Variants in CENPU observed in about 807,000 individuals in gnomAD.
CENPU encodes the protein KSHV latent nuclear antigen interacting protein 1.
A neutral mutation model predicts 56.7 loss-of-function variants in CENPU; 46 were observed. The ratio of observed to expected loss-of-function variants is 0.81; its 90% CI spans 0.64 to 1.04. The LOEUF (loss-of-function observed/expected upper bound fraction) is 1.04. Among genes scored for constraint, CENPU ranks in the 50% least tolerant of loss-of-function variants. CENPU has a pLI of 0.00. For missense variants in CENPU, 510 were observed against 490.1 expected (o/e 1.04, Z -0.38); for synonymous variants, 166 against 163.0 (o/e 1.02, Z -0.14).
intron 6 of CENPU, 145 bp downstream of exon 6, chr4:184,716,252 T>A: frequency 1.5e-6 from 1 of 660,750 alleles, no homozygotes; most frequent in Non-Finnish European, 2.6e-6. Context: ...CTAGATTTTC[T>A]AAAACAAACA....
chr4:184,697,094 C>G (rs749999633), intron 12 of CENPU, among the ~76,000 whole-genome samples: 3 of 152,012 alleles, frequency 2.0e-5, no homozygotes, highest in African/African-American at 7.3e-5. Flanking sequence ...TCGCCCAAGG[C>G]TGGTCTTGAA....
chr4:184,697,840 C>A (rs1422019728), intron 11 of CENPU, 37 bp from the exon 12 acceptor site: 1 of 1,543,088 alleles, frequency 6.5e-7, no homozygotes, highest in East Asian at 2.3e-5. Context: ...TAAAATGTAC[C>A]AGCCTATCGT....
At chr4:184,701,383 C>T (rs1477419506) in intron 10 of CENPU, among the ~76,000 whole-genome samples, 1 of 152,168 alleles carries the variant, frequency 6.6e-6, no homozygotes, top group Non-Finnish European at 1.5e-5. Context: ...GAGATTAAAA[C>T]TGAAAAACAA....
chr4:184,722,610 T>A (rs1761317467), intron 4 of CENPU, among the ~76,000 whole-genome samples: 1 of 151,308 alleles, frequency 6.6e-6, no homozygotes, highest in Non-Finnish European at 1.5e-5. Flanking sequence ...TCGCTGCATC[T>A]AAATAAAACT....
intron 4 of CENPU, among the ~76,000 whole-genome samples, chr4:184,722,567 C>CA (rs1761315918): frequency 6.6e-6 from 1 of 151,444 alleles, no homozygotes; most frequent in Admixed American, 6.6e-5. Flanking sequence ...TCCTATGACT[C>CA]AAAATCCCTA....
chr4:184,731,257 C>T (rs951000748), intron 1 of CENPU, among the ~76,000 whole-genome samples: 1 of 152,146 alleles, frequency 6.6e-6, no homozygotes, highest in Non-Finnish European at 1.5e-5. Context: ...GGGAGGTAGG[C>T]TAACGCTAAG....
chr4:184,720,227 A>C (rs905321642), intron 4 of CENPU, among the ~76,000 whole-genome samples: 1 of 152,164 alleles, frequency 6.6e-6, no homozygotes, highest in African/African-American at 2.4e-5. Flanking sequence ...TAGTTGAAAA[A>C]TGTAACGGAC....
intron 6 of CENPU, 113 bp from the exon 7 acceptor site, chr4:184,713,126 C>T: frequency 1.5e-6 from 1 of 668,140 alleles, no homozygotes; most frequent in Non-Finnish European, 2.5e-6. Flanking sequence ...CACAGTGGCA[C>T]ATGCCTGTAA....
chr4:184,728,932 G>A lies in CENPU; in HGVS notation c.200C>T (p.Thr67Ile). ...AAAGTACTAACCAAAGGTCTCATAA[G>A]TTTCTTCATCTTTCTCATTTTCACC... ...RLGENEKDEE[T>I]YETFDPPLHS... The change falls in exon 3 of 13, where the codon ACT becomes ATT. Residue 67 changes from threonine (T) to isoleucine (I), a missense_variant. By Grantham distance (89) the Thr-to-Ile change is moderately conservative (BLOSUM62 -1). Coordinates refer to ENST00000281453, the MANE Select transcript of CENPU (RefSeq NM_024629.4). The A allele has an allele frequency of 2.5e-6, 4 of 1,613,442 alleles. No homozygotes were observed. Among genetic ancestry groups the A allele is most frequent in the Non-Finnish European group, 1.7e-6 (2 of 1,179,450 alleles).
At chr4:184,733,371 G>A in intron 1 of CENPU, 2 of 989,776 alleles carry the variant, frequency 2.0e-6, no homozygotes, top group Non-Finnish European at 2.4e-6. Context: ...GTATGGCTTT[G>A]TGCACCGTCT....
rs1760095440 is a variant in CENPU, at chr4:184,694,592, C to T, written c.*696G>A. 1 of 1,614,036 alleles carries T rather than the reference C, an allele frequency of 6.2e-7. No homozygotes were observed. Among genetic ancestry groups the T allele is most frequent in the African/African-American group, 1.3e-5 (1 of 74,932 alleles). On this transcript the variant is annotated 3_prime_UTR_variant, in exon 13 of 13. Coordinates refer to ENST00000281453, the MANE Select transcript of CENPU (RefSeq NM_024629.4). ...GAAACCCAGAATCCTCATAAACCAT[C>T]ACCTAGCAGGCTGTCAACAGGTGCA...
chr4:184,732,625 GA>G (rs869237420), intron 1 of CENPU, among the ~76,000 whole-genome samples: 1 of 148,922 alleles, frequency 6.7e-6, no homozygotes, highest in Non-Finnish European at 1.5e-5. Flanking sequence ...TCTTGGGGGG[GA>G]AAAAAAGTCA....
At chr4:184,720,183 T>C (rs926664501) in intron 4 of CENPU, among the ~76,000 whole-genome samples, 2 of 151,984 alleles carry the variant, frequency 1.3e-5, no homozygotes, top group African/African-American at 2.4e-5. Flanking sequence ...TAACAAAGAA[T>C]TGAAATAATT....
chr4:184,705,107 CA>C (rs944803495), intron 8 of CENPU, among the ~76,000 whole-genome samples: 13 of 150,698 alleles, frequency 8.6e-5, no homozygotes, highest in Non-Finnish European at 1.6e-4. Context: ...CAGGTTCAAA[CA>C]AAAAAAAATG....
intron 4 of CENPU, among the ~76,000 whole-genome samples, chr4:184,719,177 C>A (rs1473974496): frequency 6.6e-6 from 1 of 152,170 alleles, no homozygotes; most frequent in East Asian, 1.9e-4. Context: ...AAGGGAACAC[C>A]TTCACAGGAA....
intron 1 of CENPU, among the ~76,000 whole-genome samples, chr4:184,732,175 T>C (rs1761670938): frequency 6.6e-6 from 1 of 152,066 alleles, no homozygotes; most frequent in Non-Finnish European, 1.5e-5. Flanking sequence ...TTCACAAGCC[T>C]TTTGTTTTAT....
At chr4:184,732,379 G>A (rs575230459) in intron 1 of CENPU, among the ~76,000 whole-genome samples, 1 of 152,178 alleles carries the variant, frequency 6.6e-6, no homozygotes, top group Non-Finnish European at 1.5e-5. Flanking sequence ...TCCCTCTGGG[G>A]TGAGGTCTGG....
chr4:184,703,516 T>C (rs1036453085), intron 8 of CENPU, among the ~76,000 whole-genome samples: 5 of 152,024 alleles, frequency 3.3e-5, no homozygotes, highest in African/African-American at 4.8e-5. Context: ...GGTGAGAAAG[T>C]ACAGAAATAG....
At chr4:184,729,112 C>A in intron 2 of CENPU, 77 bp from the exon 3 acceptor site, 5 of 1,100,240 alleles carry the variant, frequency 4.5e-6, no homozygotes, top group Non-Finnish European at 6.9e-6. Flanking sequence ...CAAGAATATT[C>A]TTGTAATCAC....
Sources: allele counts gnomAD v4.1 joint callset (sites outside exome capture counted in the v4.1 genomes callset), GRCh38; gene constraint gnomAD v4.1.1; transcripts MANE v1.5; gene names NCBI Gene and HGNC (gene_info 2026-07-23, HGNC 2026-07-21).